MNAT1: variants seen among roughly 807,000 people sequenced by gnomAD.
MNAT1 encodes CDK-activating kinase assembly factor MAT1.
A neutral mutation model predicts 42.0 loss-of-function variants in MNAT1; 43 were observed. The observed-to-expected ratio is 1.02, with a 90% CI of 0.80 to 1.32. The LOEUF (loss-of-function observed/expected upper bound fraction) is 1.32, where lower values mean the gene tolerates loss of function less well. MNAT1 is among the 40% of genes most tolerant of loss of function. The pLI is 0.00. For synonymous variants in MNAT1, 118 were observed against 120.0 expected (o/e 0.98, Z 0.11); for missense variants, 306 against 350.4 (o/e 0.87, Z 1.01).
At chr14:60,898,388 T>C (rs1402468616) in intron 7 of MNAT1, among the ~76,000 whole-genome samples, 1 of 151,958 alleles carries the variant, frequency 6.6e-6, no homozygotes, top group Non-Finnish European at 1.5e-5. Context: ...TTCCCACCAA[T>C]AGAATCCTCT....
chr14:60,895,977 G>T (rs1353955853), intron 7 of MNAT1, among the ~76,000 whole-genome samples: 1 of 151,930 alleles, frequency 6.6e-6, no homozygotes, highest in Non-Finnish European at 1.5e-5. Flanking sequence ...GGGAGGCATT[G>T]GTCTCCCAAG....
At position 60,910,171 on chromosome 14, in the gene MNAT1, T is replaced by C. The variant is rs375398054; in HGVS notation, c.809+30336T>C. On this transcript the variant is annotated intron_variant, in intron 7 of 7. Coordinates refer to ENST00000261245, the MANE Select transcript of MNAT1 (RefSeq NM_002431.4). ...AATGCTTGTGATTTTTGTACACTGA[T>C]TTTTTATCCTGAGAGTTTGCTGAAG... 9.2e-5 allele frequency among the ~76,000 whole-genome samples: 14 copies of C among 152,228 alleles called. No individual in the cohort carries two copies. In the East Asian group the frequency reaches 1.2e-3, roughly 13 times the overall value.
At chr14:60,953,702 T>C (rs2036426094) in intron 7 of MNAT1, among the ~76,000 whole-genome samples, 1 of 152,202 alleles carries the variant, frequency 6.6e-6, no homozygotes, top group South Asian at 2.1e-4. Context: ...GGAACTTCCG[T>C]ACTGTTTTCC....
At chr14:60,799,236 T>C (rs892403279) in intron 3 of MNAT1, 1 of 985,120 alleles carries the variant, frequency 1.0e-6, no homozygotes. Flanking sequence ...CATGTACTCA[T>C]TGCACTTTGT....
At chr14:60,850,574 G>T (rs1241967545) in intron 6 of MNAT1, among the ~76,000 whole-genome samples, 2 of 152,202 alleles carry the variant, frequency 1.3e-5, no homozygotes, top group East Asian at 1.9e-4. Flanking sequence ...CTGGCTCTGT[G>T]AGTTATGCTT....
intron 1 of MNAT1, among the ~76,000 whole-genome samples, chr14:60,756,178 C>G (rs2030341648): frequency 6.6e-6 from 1 of 152,134 alleles, no homozygotes; most frequent in Admixed American, 6.6e-5. Context: ...TTACATATAG[C>G]ACAATGTGGG....
intron 6 of MNAT1, among the ~76,000 whole-genome samples, chr14:60,855,027 A>C (rs2033918905): frequency 6.6e-6 from 1 of 152,136 alleles, no homozygotes. Context: ...GTGAAGAGGA[A>C]TGTAGAGAAG....
At chr14:60,871,343 T>A (rs1200686074) in intron 6 of MNAT1, among the ~76,000 whole-genome samples, 2 of 152,332 alleles carry the variant, frequency 1.3e-5, no homozygotes, top group South Asian at 2.1e-4. Context: ...AATTTACTTG[T>A]CACTTTAAGA....
chr14:60,895,708 G>T (rs1430524739), intron 7 of MNAT1, among the ~76,000 whole-genome samples: 1 of 152,192 alleles, frequency 6.6e-6, no homozygotes, highest in Admixed American at 6.5e-5. Flanking sequence ...GAGTTGGAAG[G>T]ATTGCTTGAC....
rs185745731 is a variant in MNAT1 at position 60,737,968 on chromosome 14, C to A, written c.89+3017C>A. ...GGTTCACGCCATTGTCCTGCCTCAG[C>A]CTCCCGAGTAGCTGGGACTACAGGC... On this transcript the variant is annotated intron_variant, in intron 1 of 7. Transcript: ENST00000261245. Among the ~76,000 whole-genome samples the A allele has an allele frequency of 1.5e-4, 22 of 150,686 alleles. 1 individual carries two copies. The East Asian group carries it at 3.2e-3, about 22-fold the overall frequency.
Position 60,904,976 on chromosome 14 carries a change from C to CTTTTTTTTTTTTTTTTTTT in MNAT1, c.809+25158_809+25159insTTTTTTTTTTTTTTTTTTT, listed in dbSNP as rs3081651. Among the ~76,000 whole-genome samples the CTTTTTTTTTTTTTTTTTTT allele has an allele frequency of 2.9e-4, 23 of 79,012 alleles. 1 individual carries two copies. Among genetic ancestry groups the CTTTTTTTTTTTTTTTTTTT allele is most frequent in the African/African-American group, 5.3e-4 (12 of 22,470 alleles). 51.8% of individuals were successfully genotyped at this position (79,012 alleles called of 152,430 possible). On this transcript the variant is annotated intron_variant, in intron 7 of 7. Coordinates refer to ENST00000261245, the MANE Select transcript of MNAT1 (RefSeq NM_002431.4). ...AAAACAATAGATTGTTCAGCAGTTC[C>CTTTTTTTTTTTTTTTTTTT]TTTTTTTTTTTTTTTTTGGACGGAG...
chr14:60,792,175 G>A (rs962999377), intron 1 of MNAT1, among the ~76,000 whole-genome samples: 5 of 151,964 alleles, frequency 3.3e-5, no homozygotes, highest in Admixed American at 1.3e-4. Context: ...ATCCTTAAAC[G>A]CATTTCATTA....
In MNAT1 at chr14:60,832,776, C is replaced by CT. The variant is rs200451638; in HGVS notation, c.687+13934dup. Among the ~76,000 whole-genome samples the CT allele has an allele frequency of 6.0e-3, 917 of 152,148 alleles. 7 individuals carry two copies. Among genetic ancestry groups the CT allele is most frequent in the African/African-American group, 0.021 (886 of 41,484 alleles). On this transcript the variant is annotated intron_variant, in intron 6 of 7. Transcript: ENST00000261245. ...TGTGAATTTCTTTGGGAAGTATGGC[C>CT]TTTTTCATGACATTGACTCTTCCTA...
chr14:60,920,986 A>C (rs2035647439), intron 7 of MNAT1, among the ~76,000 whole-genome samples: 1 of 152,170 alleles, frequency 6.6e-6, no homozygotes, highest in Non-Finnish European at 1.5e-5. Context: ...ATGTTCTATG[A>C]TTGTAACCTA....
intron 7 of MNAT1, among the ~76,000 whole-genome samples, chr14:60,950,707 C>T (rs893286424): frequency 3.3e-5 from 5 of 152,158 alleles, no homozygotes; most frequent in Non-Finnish European, 7.4e-5. Flanking sequence ...ATTGGACACC[C>T]CTGATGTATA....
chr14:60,872,354 C>T (rs2034344026), intron 6 of MNAT1, among the ~76,000 whole-genome samples: 1 of 152,212 alleles, frequency 6.6e-6, no homozygotes. Context: ...TACATTTCAA[C>T]ATGAAATTTG....
In MNAT1 at chr14:60,837,334, C is replaced by G. The variant is rs565174472; in HGVS notation, c.687+18487C>G. Among the ~76,000 whole-genome samples, 18 of 152,304 alleles carry G rather than the reference C, an allele frequency of 1.2e-4. No individual in the cohort carries two copies. In the South Asian group the frequency reaches 3.3e-3, roughly 28 times the overall value. ...GGCTGCCCAGTTTTGTGCTTGAAAC[C>G]CAGGGCCCTGGTGGCTAGGCACCTG... On this transcript the variant is annotated intron_variant, in intron 6 of 7. Transcript: ENST00000261245.
chr14:60,818,953 A>G, intron 6 of MNAT1, 106 bp downstream of exon 6: 1 of 1,283,540 alleles, frequency 7.8e-7, no homozygotes, highest in Non-Finnish European at 1.1e-6. Context: ...ATGTTTAAGA[A>G]CAGTGTCTGA....
intron 1 of MNAT1, among the ~76,000 whole-genome samples, chr14:60,746,072 C>G (rs1896604540): frequency 6.6e-6 from 1 of 152,036 alleles, no homozygotes; most frequent in South Asian, 2.1e-4. Flanking sequence ...GAAAGAACAC[C>G]AAATCTCAAG....
Sources: gnomAD v4.1 joint callset for allele counts (sites outside exome capture counted in the v4.1 genomes callset) on GRCh38, gnomAD v4.1.1 for gene constraint, MANE v1.5 for transcripts, NCBI Gene and HGNC (gene_info 2026-07-23, HGNC 2026-07-21) for gene names.